The following ITGB1BP1 variants were observed in gnomAD, a reference collection of about 807,000 sequenced individuals.
The protein encoded by ITGB1BP1 is integrin beta-1-binding protein 1.
In ITGB1BP1, 20 loss-of-function variants were observed where a neutral mutation model predicts 28.0. The ratio of observed to expected loss-of-function variants is 0.71; its 90% CI spans 0.50 to 1.04. ITGB1BP1 has a LOEUF of 1.04. Among genes scored for constraint, ITGB1BP1 ranks in the 50% least tolerant of loss-of-function variants. The pLI, the probability that ITGB1BP1 is intolerant of heterozygous loss-of-function variation, is 0.00. For missense variants in ITGB1BP1, 228 were observed against 242.5 expected (o/e 0.94, Z 0.40); for synonymous variants, 103 against 89.5 (o/e 1.15, Z -0.85).
intron 4 of ITGB1BP1, among the ~76,000 whole-genome samples, chr2:9,410,046 C>T (rs1208182589): frequency 6.6e-6 from 1 of 151,970 alleles, no homozygotes; most frequent in Non-Finnish European, 1.5e-5. Flanking sequence ...GGAGTTTCAC[C>T]GTGTTAGCCA....
intron 2 of ITGB1BP1, among the ~76,000 whole-genome samples, chr2:9,414,797 T>C (rs191715526): frequency 6.6e-6 from 1 of 152,330 alleles, no homozygotes; most frequent in East Asian, 1.9e-4. Context: ...CTGACTAGTG[T>C]CTGGCCTGCA....
chr2:9,418,461 G>A (rs535257451), intron 2 of ITGB1BP1, among the ~76,000 whole-genome samples, 165 bp downstream of exon 2: 12 of 152,280 alleles, frequency 7.9e-5, no homozygotes, highest in Admixed American at 2.0e-4. Context: ...ACAAAATGAA[G>A]CCAAGCATAG....
chr2:9,422,695 T>G, intron 1 of ITGB1BP1: 1 of 985,584 alleles, frequency 1.0e-6, no homozygotes, highest in Non-Finnish European at 1.2e-6. Flanking sequence ...GCCGAGAACT[T>G]TCTGGGGAGG....
chr2:9,414,854 G>A (rs1008076082), intron 2 of ITGB1BP1, among the ~76,000 whole-genome samples: 1 of 152,174 alleles, frequency 6.6e-6, no homozygotes, highest in African/African-American at 2.4e-5. Context: ...ACTATCATGT[G>A]AACTGCCACC....
At chr2:9,409,281 C>G (rs1459447506) in intron 4 of ITGB1BP1, among the ~76,000 whole-genome samples, 1 of 152,226 alleles carries the variant, frequency 6.6e-6, no homozygotes, top group Non-Finnish European at 1.5e-5. Context: ...AAAGACATTA[C>G]AGTAAATAAG....
intron 1 of ITGB1BP1, chr2:9,420,369 G>A (rs1247783877): frequency 6.6e-6 from 1 of 152,214 alleles, no homozygotes; most frequent in African/African-American, 2.4e-5. Context: ...CACCTACCAG[G>A]TGTCGGGGAT....
intron 6 of ITGB1BP1, 192 bp from the exon 7 acceptor site, chr2:9,407,097 AG>A: frequency 1.6e-6 from 1 of 611,446 alleles, no homozygotes. Context: ...CCTCCTTCAG[AG>A]GAAAGCAAAC....
intron 2 of ITGB1BP1, among the ~76,000 whole-genome samples, chr2:9,416,366 T>A (rs1679134901): frequency 6.6e-6 from 1 of 152,170 alleles, no homozygotes; most frequent in African/African-American, 2.4e-5. Context: ...GATTAACGTC[T>A]ACACCAGCAG....
At chr2:9,413,489 C>A (rs951175549) in intron 3 of ITGB1BP1, among the ~76,000 whole-genome samples, 1 of 152,154 alleles carries the variant, frequency 6.6e-6, no homozygotes, top group South Asian at 2.1e-4. Context: ...CCACCACGCC[C>A]GGCTAATTTT....
intron 4 of ITGB1BP1, among the ~76,000 whole-genome samples, chr2:9,411,582 C>T (rs1371463033): frequency 1.3e-5 from 2 of 151,890 alleles, no homozygotes; most frequent in African/African-American, 4.8e-5. Context: ...ATTATCTGGG[C>T]CGTGGCAGCA....
intron 1 of ITGB1BP1, chr2:9,423,142 C>A (rs1680106422): frequency 6.9e-6 from 7 of 1,009,500 alleles, no homozygotes; most frequent in Non-Finnish European, 8.3e-6. Flanking sequence ...GACAGCGGCT[C>A]GGGAAGCTGC....
Position 9,407,642 on chromosome 2 carries a change from T to C in ITGB1BP1, c.382-44A>G. ...ATTCCGAGAGATCAGGACTCTCAAA[T>C]GTTTGTCAGTCCTGATGACACACCC... On this transcript the variant is annotated intron_variant, in intron 5 of 6. Transcript: ENST00000355346. 3 of 1,608,606 alleles carry C rather than the reference T, an allele frequency of 1.9e-6. No homozygotes were observed. The East Asian group carries it at 6.7e-5, about 36-fold the overall frequency.
chr2:9,411,449 CAA>C (rs1678376657), intron 4 of ITGB1BP1, among the ~76,000 whole-genome samples: 1 of 152,156 alleles, frequency 6.6e-6, no homozygotes, highest in African/African-American at 2.4e-5. Context: ...AGGCCGGGCA[CAA>C]GGGCTCAGGC....
intron 4 of ITGB1BP1, among the ~76,000 whole-genome samples, chr2:9,411,353 AAAG>A (rs1247736388): frequency 2.6e-5 from 4 of 152,250 alleles, no homozygotes; most frequent in African/African-American, 4.8e-5. Flanking sequence ...GATTATTTTA[AAAG>A]AAGAATCTAT....
chr2:9,416,517 G>GCCACTC (rs1369081020), intron 2 of ITGB1BP1, among the ~76,000 whole-genome samples: 4 of 152,136 alleles, frequency 2.6e-5, no homozygotes, highest in Non-Finnish European at 5.9e-5. Flanking sequence ...GGCTCAAGCT[G>GCCACTC]CCACTCCCAC....
chr2:9,404,787 C>A lies in ITGB1BP1; in HGVS notation c.*2047G>T. The A allele has an allele frequency of 6.6e-6, 1 of 151,272 alleles. No homozygotes were observed. The highest frequency in any genetic ancestry group is 2.4e-5 in the African/African-American group (1 of 41,158). The allele number at this position is 151,272 out of a possible 1,614,324, so 9.4% of individuals were successfully genotyped here. A position where few individuals can be genotyped will look rare whatever the true frequency, so the allele number is the denominator to read the frequency against. Reference sequence around the variant, plus strand: ...TTTTTGTTTTTGTTATAAAGGAAGACAGAACAAACTGGAATGTTTTATGAT... The same window carrying A: ...TTTTTGTTTTTGTTATAAAGGAAGAAAGAACAAACTGGAATGTTTTATGAT... On this transcript the variant is annotated 3_prime_UTR_variant, in exon 7 of 7. Transcript: ENST00000355346.
rs1301989052 is a variant in ITGB1BP1, at chr2:9,415,382, A to G, written c.73-1126T>C. The stretch of plus-strand genomic sequence containing the variant: ...CAACAAGAGTGAAACTCCATCTCAA[A>G]ACAAACAAACAAAAACACACACACA... On this transcript the variant is annotated intron_variant, in intron 2 of 6. Coordinates refer to ENST00000355346, the MANE Select transcript of ITGB1BP1 (RefSeq NM_004763.5). This position sits in a 1 kb window ranked among gnomAD's most constrained non-coding sequence, Gnocchi z 4.1. Among the ~76,000 whole-genome samples, 1 of 152,002 alleles carries G rather than the reference A, an allele frequency of 6.6e-6. No individual in the cohort carries two copies. The highest frequency in any genetic ancestry group is 1.5e-5 in the Non-Finnish European group (1 of 67,996).
At chr2:9,422,748 G>A in intron 1 of ITGB1BP1, 1 of 985,590 alleles carries the variant, frequency 1.0e-6, no homozygotes. Flanking sequence ...CGCCTACCAC[G>A]TGCCATGCAC....
chr2:9,408,427 G>A (rs1484569659), intron 4 of ITGB1BP1: 9 of 473,198 alleles, frequency 1.9e-5, no homozygotes, highest in East Asian at 7.7e-5. Context: ...TCACTCTGTC[G>A]CCCAGGCTAT....
Sources: allele counts gnomAD v4.1 joint callset (sites outside exome capture counted in the v4.1 genomes callset), GRCh38; gene constraint gnomAD v4.1.1; non-coding constraint Gnocchi (gnomAD v3.1); transcripts MANE v1.5; gene names NCBI Gene and HGNC (gene_info 2026-07-23, HGNC 2026-07-21).